Variants in DNAI1 observed in about 807,000 individuals in gnomAD.
DNAI1 encodes the protein dynein, axonemal, intermediate polypeptide 1.
In DNAI1, 67 loss-of-function variants were observed where a neutral mutation model predicts 92.0. That is an observed-to-expected ratio of 0.73 (90% CI 0.60 to 0.89). The LOEUF is 0.89. DNAI1 is among the 40% of genes least tolerant of loss of function. The pLI, the probability that DNAI1 is intolerant of heterozygous loss-of-function variation, is 0.00. For missense variants in DNAI1, 839 were observed against 866.6 expected, an observed-to-expected ratio of 0.97 and a Z score of 0.40; for synonymous variants, 323 against 319.6, an observed-to-expected ratio of 1.01 and a Z score of -0.11.
rs1825267586 is a variant in DNAI1 at position 34,520,788 on chromosome 9, G to A, written c.*32G>A. 6.5e-7 allele frequency: 1 copy of A among 1,547,346 alleles called. No individual in the cohort carries two copies. Among genetic ancestry groups the A allele is most frequent in the Admixed American group, 2.0e-5 (1 of 50,972 alleles). On this transcript the variant is annotated 3_prime_UTR_variant, in exon 20 of 20. Transcript: ENST00000242317. ...GGCCTCAGTCTCTGTCCCATCGCTT[G>A]AATACAGTACTCCTAGGGCTTGACC...
At chr9:34,471,728 C>A (rs1824138086) in intron 1 of DNAI1, among the ~76,000 whole-genome samples, 1 of 151,670 alleles carries the variant, frequency 6.6e-6, no homozygotes, top group African/African-American at 2.4e-5. Flanking sequence ...TAAGATCAAG[C>A]CATTGCACTC....
intron 1 of DNAI1, among the ~76,000 whole-genome samples, chr9:34,481,124 G>A (rs956912512): frequency 1.3e-5 from 2 of 151,886 alleles, no homozygotes; most frequent in African/African-American, 2.4e-5. Context: ...GCCTGTAACC[G>A]GGAGGCTACT....
In DNAI1 at chr9:34,520,807, C is replaced by T; in HGVS notation, c.*51C>T. ...TCGCTTGAATACAGTACTCCTAGGG[C>T]TTGACCCTGGTACCCAGCCCAGCCT... On this transcript the variant is annotated 3_prime_UTR_variant, in exon 20 of 20. Transcript: ENST00000242317. 1 of 1,531,004 alleles carries T rather than the reference C, an allele frequency of 6.5e-7. No individual in the cohort carries two copies. Among genetic ancestry groups the T allele is most frequent in the Admixed American group, 2.0e-5 (1 of 50,972 alleles). The allele number at this position is 1,531,004 out of a possible 1,614,324, so 94.8% of individuals were successfully genotyped here. A position where few individuals can be genotyped will look rare whatever the true frequency, so the allele number is the denominator to read the frequency against.
chr9:34,462,133 A>G (rs1347937831), intron 1 of DNAI1, among the ~76,000 whole-genome samples: 1 of 152,118 alleles, frequency 6.6e-6, no homozygotes, highest in East Asian at 1.9e-4. Flanking sequence ...CAAAAGTCCA[A>G]TTTGCTTGGT....
intron 10 of DNAI1, 106 bp downstream of exon 10, chr9:34,497,305 G>A (rs1049511903): frequency 4.1e-5 from 35 of 854,086 alleles, no homozygotes; most frequent in East Asian, 2.8e-4. Flanking sequence ...AGGTGCAAGC[G>A]GAGAAAAAAT....
intron 1 of DNAI1, among the ~76,000 whole-genome samples, chr9:34,459,434 TTTTCTTTC>T (rs1003134116): frequency 6.7e-6 from 1 of 148,962 alleles, no homozygotes; most frequent in Admixed American, 6.7e-5. Context: ...TTCTTTTTCT[TTTTCTTTC>T]TTTCTTTCTT....
In DNAI1 at chr9:34,514,562, C is replaced by T. The variant is rs532993211; in HGVS notation, c.1718+20C>T. 2.1e-5 allele frequency: 34 copies of T among 1,614,242 alleles called. No individual in the cohort carries two copies. The South Asian group carries it at 3.5e-4, about 17-fold the overall frequency. On this transcript the variant is annotated intron_variant, in intron 17 of 19. Transcript: ENST00000242317. ...CATCAAGTGAGGGGCCTGTTCCTGG[C>T]TCTGCCTGGGGCCCTCCCCTGGGCT...
chr9:34,479,822 C>CA (rs551371443), intron 1 of DNAI1, among the ~76,000 whole-genome samples: 30 of 152,312 alleles, frequency 2.0e-4, no homozygotes, highest in African/African-American at 6.7e-4. Context: ...GCTGCCTGCT[C>CA]TATCAGCAAC....
intron 4 of DNAI1, 57 bp from the exon 5 acceptor site, chr9:34,489,266 A>G (rs953709288): frequency 6.2e-7 from 1 of 1,605,138 alleles, no homozygotes; most frequent in African/African-American, 1.3e-5. Flanking sequence ...AGCAGATTAC[A>G]TTTTGACTCC....
chr9:34,459,185 G>A, intron 1 of DNAI1, 132 bp downstream of exon 1: 3 of 867,884 alleles, frequency 3.5e-6, no homozygotes, highest in Non-Finnish European at 1.9e-6. Context: ...GTGACCTCTG[G>A]TAAGTGCTCC....
chr9:34,502,875 G>A (rs1824860820), intron 12 of DNAI1, among the ~76,000 whole-genome samples: 1 of 152,122 alleles, frequency 6.6e-6, no homozygotes, highest in Admixed American at 6.5e-5. Context: ...ACATGGAAAG[G>A]CTGACAACCT....
At chr9:34,467,440 T>TACAC (rs3039302) in intron 1 of DNAI1, among the ~76,000 whole-genome samples, 5,257 of 137,384 alleles carry the variant, frequency 0.038, 105 homozygotes, top group East Asian at 0.048. Context: ...TCTACACAAA[T>TACAC]ACACACACAC....
At chr9:34,501,833 C>T (rs149025263) in intron 12 of DNAI1, among the ~76,000 whole-genome samples, 140 of 152,274 alleles carry the variant, frequency 9.2e-4, no homozygotes, top group African/African-American at 3.2e-3. Context: ...CAGAGTGTGC[C>T]CGCCCCTGCC....
intron 13 of DNAI1, 84 bp from the exon 14 acceptor site, chr9:34,512,025 G>T: frequency 7.4e-7 from 1 of 1,347,238 alleles, no homozygotes; most frequent in East Asian, 2.3e-5. Context: ...CCTCAGATGG[G>T]TGCTTGGGGG....
intron 18 of DNAI1, among the ~76,000 whole-genome samples, chr9:34,514,943 C>CAG (rs1208675568): frequency 6.6e-6 from 1 of 152,206 alleles, no homozygotes; most frequent in Non-Finnish European, 1.5e-5. Context: ...AGGGAGGAAA[C>CAG]AGAGCTGTTC....
chr9:34,466,036 A>T (rs7851404), intron 1 of DNAI1, among the ~76,000 whole-genome samples: 6 of 152,040 alleles, frequency 3.9e-5, no homozygotes, highest in African/African-American at 1.5e-4. Context: ...AACCAACTCA[A>T]TCTTGGTTCC....
chr9:34,492,520 A>C (rs1238579124), intron 8 of DNAI1, among the ~76,000 whole-genome samples: 16 of 113,036 alleles, frequency 1.4e-4, no homozygotes, highest in African/African-American at 4.9e-4. Context: ...ATATATATAT[A>C]TATATATATA....
At chr9:34,469,632 T>C (rs1485348890) in intron 1 of DNAI1, among the ~76,000 whole-genome samples, 2 of 152,088 alleles carry the variant, frequency 1.3e-5, no homozygotes, top group African/African-American at 4.8e-5. Flanking sequence ...GGCTGGAGTG[T>C]AATGGTGTGA....
chr9:34,513,909 G>A (rs917833255), intron 16 of DNAI1, among the ~76,000 whole-genome samples: 3 of 152,180 alleles, frequency 2.0e-5, no homozygotes, highest in Admixed American at 6.5e-5. Flanking sequence ...TAGGAAAGCT[G>A]GAGATCCAAG....
Sources: gnomAD v4.1 joint callset for allele counts (sites outside exome capture counted in the v4.1 genomes callset) on GRCh38, gnomAD v4.1.1 for gene constraint, MANE v1.5 for transcripts, NCBI Gene and HGNC (gene_info 2026-07-23, HGNC 2026-07-21) for gene names.